PARD3: variants seen among roughly 807,000 people sequenced by gnomAD.
PARD3 encodes the protein partitioning defective 3 homolog.
A neutral mutation model predicts 155.4 loss-of-function variants in PARD3; 75 were observed. The ratio of observed to expected loss-of-function variants is 0.48; its 90% CI spans 0.40 to 0.58. PARD3 has a LOEUF of 0.58. PARD3 is among the 20% of genes least tolerant of loss of function. The pLI is 0.00. For missense variants in PARD3, 1,642 were observed against 1,721.7 expected, an observed-to-expected ratio of 0.95 and a Z score of 0.82; for synonymous variants, 576 against 610.5, an observed-to-expected ratio of 0.94 and a Z score of 0.83.
chr10:34,330,799 A>G (rs896281967), intron 19 of PARD3, among the ~76,000 whole-genome samples: 1 of 152,160 alleles, frequency 6.6e-6, no homozygotes, highest in African/African-American at 2.4e-5. Context: ...AAGTGAGAAC[A>G]ATGGCACTGT....
chr10:34,247,717 T>C (rs1181205802), intron 22 of PARD3, among the ~76,000 whole-genome samples: 1 of 152,144 alleles, frequency 6.6e-6, no homozygotes, highest in African/African-American at 2.4e-5. Flanking sequence ...ACTGATTAGA[T>C]TGAAAGACAA....
intron 1 of PARD3, among the ~76,000 whole-genome samples, chr10:34,716,447 C>T (rs1448752871): frequency 6.6e-6 from 1 of 152,162 alleles, no homozygotes; most frequent in Non-Finnish European, 1.5e-5. Context: ...TGGACTACCT[C>T]AAACAACAAT....
intron 1 of PARD3, among the ~76,000 whole-genome samples, chr10:34,732,850 A>C (rs2094843886): frequency 6.6e-6 from 1 of 152,196 alleles, no homozygotes; most frequent in African/African-American, 2.4e-5. Context: ...TCACAAACCC[A>C]TACCTCCCTC....
chr10:34,798,653 C>G (rs4472878), intron 1 of PARD3, among the ~76,000 whole-genome samples: 46,654 of 148,574 alleles, frequency 0.31, 7,633 homozygotes, highest in African/African-American at 0.41. Flanking sequence ...TGCAGTGAGC[C>G]GAGATGTCGC....
intron 2 of PARD3, among the ~76,000 whole-genome samples, chr10:34,638,853 A>C (rs545061080): frequency 4.3e-4 from 65 of 152,230 alleles, no homozygotes; most frequent in Non-Finnish European, 8.1e-4. Context: ...TCCTCCACAA[A>C]CATTCTTTGT....
chr10:34,246,766 C>A (rs1953978434), intron 22 of PARD3, among the ~76,000 whole-genome samples: 1 of 152,052 alleles, frequency 6.6e-6, no homozygotes. Flanking sequence ...ACTGAATACC[C>A]AGGGTATTCA....
chr10:34,430,958 A>G (rs567396460), intron 5 of PARD3, among the ~76,000 whole-genome samples: 3 of 152,346 alleles, frequency 2.0e-5, no homozygotes, highest in South Asian at 2.1e-4. Context: ...TCATGTGATA[A>G]AAACTGATTG....
At chr10:34,785,259 GGT>G (rs1254168387) in intron 1 of PARD3, among the ~76,000 whole-genome samples, 1 of 152,020 alleles carries the variant, frequency 6.6e-6, no homozygotes, top group Admixed American at 6.6e-5. Context: ...AAAAATAAAT[GGT>G]TTTTCAAATC....
intron 22 of PARD3, among the ~76,000 whole-genome samples, chr10:34,239,709 A>G (rs1172316725): frequency 6.6e-6 from 1 of 151,952 alleles, no homozygotes; most frequent in East Asian, 1.9e-4. Context: ...AGACTGCGAC[A>G]AGAGAATCAC....
chr10:34,426,437 GGAGAA>G (rs1300878180), intron 5 of PARD3, among the ~76,000 whole-genome samples: 3 of 152,056 alleles, frequency 2.0e-5, no homozygotes, highest in Non-Finnish European at 4.4e-5. Context: ...ATGTCCTTTT[GGAGAA>G]TGGTATTTTT....
In PARD3 at chr10:34,219,930, C is replaced by A. The variant is rs186241720; in HGVS notation, c.3419+49727G>T. Reference sequence around the variant, plus strand: ...CTCAAATGGCCAGGATGGAATGGAGCAGCTGCTGTCATTTCATGACCTTTT... The same window carrying A: ...CTCAAATGGCCAGGATGGAATGGAGAAGCTGCTGTCATTTCATGACCTTTT... On this transcript the variant is annotated intron_variant, in intron 22 of 24. Transcript: ENST00000374788. Among the ~76,000 whole-genome samples, 27 of 152,306 alleles carry A rather than the reference C, an allele frequency of 1.8e-4. No individual in the cohort carries two copies. In the East Asian group the frequency reaches 4.6e-3, roughly 26 times the overall value.
intron 2 of PARD3, among the ~76,000 whole-genome samples, chr10:34,521,529 A>G (rs2082149425): frequency 6.6e-6 from 1 of 152,218 alleles, no homozygotes; most frequent in African/African-American, 2.4e-5. Context: ...CACAAAGTAG[A>G]TCATTTTGAA....
At chr10:34,581,918 T>C (rs1407447202) in intron 2 of PARD3, among the ~76,000 whole-genome samples, 1 of 152,104 alleles carries the variant, frequency 6.6e-6, no homozygotes, top group African/African-American at 2.4e-5. Flanking sequence ...CACGCATGAG[T>C]TGATTTATTG....
At chr10:34,138,073 C>A (rs1456855129) in intron 22 of PARD3, among the ~76,000 whole-genome samples, 1 of 152,120 alleles carries the variant, frequency 6.6e-6, no homozygotes, top group Non-Finnish European at 1.5e-5. Flanking sequence ...ACAAGTGGAA[C>A]CAAACAAATG....
intron 2 of PARD3, among the ~76,000 whole-genome samples, chr10:34,557,358 T>C (rs1274438021): frequency 1.3e-5 from 2 of 151,760 alleles, no homozygotes; most frequent in African/African-American, 4.8e-5. Context: ...AACTAGAAAA[T>C]ACAAAAGAGC....
intron 2 of PARD3, among the ~76,000 whole-genome samples, chr10:34,622,501 T>C (rs1468392290): frequency 1.3e-5 from 2 of 152,208 alleles, no homozygotes; most frequent in Admixed American, 6.5e-5. Context: ...TTCAAAAATA[T>C]TTGTCACAAG....
chr10:34,472,437 C>T (rs1005481283), intron 3 of PARD3, among the ~76,000 whole-genome samples: 1 of 152,074 alleles, frequency 6.6e-6, no homozygotes, highest in African/African-American at 2.4e-5. Flanking sequence ...AAGTTCTCTA[C>T]CAAGAGGAAG....
chr10:34,459,304 C>A lies in PARD3; in HGVS notation c.583-8856G>T, dbSNP rs560768913. On this transcript the variant is annotated intron_variant, in intron 4 of 24. Coordinates refer to ENST00000374788, the MANE Select transcript of PARD3 (RefSeq NM_001184785.2). ...GCCTCAGCCTCCAGCACAGCTGGGA[C>A]TACAGGCGCCCACCACCATGCCCAG... Among the ~76,000 whole-genome samples the A allele has an allele frequency of 2.6e-5, 4 of 152,174 alleles. No individual in the cohort carries two copies. In the South Asian group the frequency reaches 8.3e-4, roughly 32 times the overall value.
chr10:34,166,850 T>C (rs769838179), intron 22 of PARD3, among the ~76,000 whole-genome samples: 4 of 152,170 alleles, frequency 2.6e-5, no homozygotes, highest in Non-Finnish European at 5.9e-5. Flanking sequence ...TGTTTTTTCC[T>C]CCATTTCTCC....
Sources: gnomAD v4.1 joint callset for allele counts (sites outside exome capture counted in the v4.1 genomes callset) on GRCh38, gnomAD v4.1.1 for gene constraint, MANE v1.5 for transcripts, NCBI Gene and HGNC (gene_info 2026-07-23, HGNC 2026-07-21) for gene names.